Variants in IREB2 observed in about 807,000 individuals in gnomAD.
The protein encoded by IREB2 is iron-responsive element-binding protein 2.
Under a neutral mutation model 118.8 loss-of-function variants are expected in IREB2, and 39 were observed. The observed-to-expected ratio is 0.33, with a 90% CI of 0.25 to 0.43. IREB2 has a LOEUF of 0.43. IREB2 is among the 20% of genes least tolerant of loss of function. IREB2 has a pLI of 1.00. For synonymous variants in IREB2, 372 were observed against 392.2 expected (o/e 0.95, Z 0.61); for missense variants, 900 against 1,147.3 (o/e 0.78, Z 3.11).
At chr15:78,467,797 T>C (rs139014760) in intron 5 of IREB2, among the ~76,000 whole-genome samples, 76 of 152,328 alleles carry the variant, frequency 5.0e-4, no homozygotes, top group African/African-American at 1.8e-3. Context: ...ATGTTGCCCA[T>C]GCTGGTCTCA....
At chr15:78,465,879 G>T (rs1272992558) in intron 4 of IREB2, among the ~76,000 whole-genome samples, 1 of 152,034 alleles carries the variant, frequency 6.6e-6, no homozygotes, top group Non-Finnish European at 1.5e-5. Context: ...ACGTTCCCTG[G>T]AGTAGTAGAA....
At chr15:78,465,033 A>G (rs147845844) in intron 3 of IREB2, among the ~76,000 whole-genome samples, 2 of 152,306 alleles carry the variant, frequency 1.3e-5, no homozygotes, top group East Asian at 3.9e-4. Context: ...ATCTCTTATT[A>G]TTTTTGGCAT....
At chr15:78,496,055 C>T (rs2051832786) in intron 20 of IREB2, among the ~76,000 whole-genome samples, 1 of 152,194 alleles carries the variant, frequency 6.6e-6, no homozygotes, top group Admixed American at 6.5e-5. Flanking sequence ...CTGAGAACCT[C>T]ATGCCTCTGA....
intron 2 of IREB2, among the ~76,000 whole-genome samples, chr15:78,446,664 C>T (rs563531823): frequency 2.0e-5 from 3 of 152,270 alleles, no homozygotes; most frequent in Admixed American, 6.5e-5. Context: ...CTTTCCAGTT[C>T]AGTCTCTCTG....
intron 2 of IREB2, among the ~76,000 whole-genome samples, chr15:78,440,214 C>T (rs1406624089): frequency 6.6e-6 from 1 of 152,044 alleles, no homozygotes; most frequent in Non-Finnish European, 1.5e-5. Context: ...TTTTGAACCC[C>T]TGGGCCCAAA....
intron 13 of IREB2, among the ~76,000 whole-genome samples, chr15:78,486,344 C>T (rs1441780704): frequency 6.6e-6 from 1 of 152,190 alleles, no homozygotes; most frequent in African/African-American, 2.4e-5. Flanking sequence ...CGGTGGCTCA[C>T]GCCTGTAATC....
In IREB2 at chr15:78,499,511, A is replaced by G. The variant is rs905427398; in HGVS notation, c.*1368A>G. ...GCATAAAGAATTACTTGTTGTAAGCAAAATGCTGAAACTACCAAACCAGTG... is the reference window on the plus strand; with the variant it reads ...GCATAAAGAATTACTTGTTGTAAGCGAAATGCTGAAACTACCAAACCAGTG... On this transcript the variant is annotated 3_prime_UTR_variant, in exon 22 of 22. Coordinates refer to ENST00000258886, the MANE Select transcript of IREB2 (RefSeq NM_004136.4). 1.3e-5 allele frequency: 2 copies of G among 152,256 alleles called. No individual in the cohort carries two copies. Among genetic ancestry groups the G allele is most frequent in the Non-Finnish European group, 2.9e-5 (2 of 68,042 alleles). 9.4% of individuals were successfully genotyped at this position (152,256 alleles called of 1,614,324 possible).
At position 78,488,654 on chromosome 15, in the gene IREB2, C is replaced by T. The variant is rs2051699499; in HGVS notation, c.1959C>T (p.Asp653=). 3 of 1,607,158 alleles carry T rather than the reference C, an allele frequency of 1.9e-6. No homozygotes were observed. The highest frequency in any genetic ancestry group is 2.7e-5 in the African/African-American group (2 of 74,396). Residue 653 remains aspartate, a synonymous_variant, in exon 16 of 22, where the codon GAC becomes GAT. Transcript: ENST00000258886. ...TTCAAAAATTTTAACCAGGTACTGA[C>T]CCCACCGGCAAGAACATTTACCTGC... The part of the protein sequence containing the change: ...IDFQTEPLGT[D]PTGKNIYLHD...
chr15:78,441,977 G>T (rs1343882532), intron 2 of IREB2, among the ~76,000 whole-genome samples: 1 of 152,052 alleles, frequency 6.6e-6, no homozygotes, highest in African/African-American at 2.4e-5. Flanking sequence ...TGTGATCTCA[G>T]CTCACTGCTG....
intron 3 of IREB2, among the ~76,000 whole-genome samples, chr15:78,464,395 C>T (rs1270056440): frequency 2.6e-5 from 4 of 152,198 alleles, no homozygotes; most frequent in Non-Finnish European, 5.9e-5. Flanking sequence ...TCTTCACCCA[C>T]CCACTCAAAT....
chr15:78,479,399 ATT>A (rs1158698299), intron 10 of IREB2, among the ~76,000 whole-genome samples: 11 of 130,738 alleles, frequency 8.4e-5, no homozygotes, highest in Non-Finnish European at 8.3e-5. Context: ...TGGTTTTTGG[ATT>A]TTTTTTTTTT....
At chr15:78,440,553 G>T (rs1567159520) in intron 2 of IREB2, among the ~76,000 whole-genome samples, 1 of 152,028 alleles carries the variant, frequency 6.6e-6, no homozygotes, top group Non-Finnish European at 1.5e-5. Context: ...TTTTTGTAGA[G>T]TTGGGGTCTT....
At position 78,498,044 on chromosome 15, in the gene IREB2, A is replaced by G. The variant is rs2051867423; in HGVS notation, c.2793A>G (p.Gly931=). 6.2e-7 allele frequency: 1 copy of G among 1,607,242 alleles called. No individual in the cohort carries two copies. Among genetic ancestry groups the G allele is most frequent in the African/African-American group, 1.3e-5 (1 of 74,768 alleles). The stretch of plus-strand genomic sequence containing the variant: ...TTGCTCCTTTCAAGACAAGCACTGG[A>G]AAAGTATTCAGCGTGATTGCTTCGT... ...GITLNIQTST[G]KVFSVIASFE... is the part of the protein sequence containing the mutation. The change falls in exon 22 of 22, where the codon GGA becomes GGG. Residue 931 remains glycine (G), a synonymous_variant. Transcript: ENST00000258886.
intron 10 of IREB2, chr15:78,480,077 A>G (rs1013401742): frequency 6.6e-6 from 1 of 152,330 alleles, no homozygotes; most frequent in East Asian, 1.9e-4. Flanking sequence ...ATTAAACTCC[A>G]TGAGGACAGG....
At chr15:78,441,439 T>TA (rs2050842732) in intron 2 of IREB2, among the ~76,000 whole-genome samples, 2 of 152,256 alleles carry the variant, frequency 1.3e-5, no homozygotes, top group African/African-American at 4.8e-5. Context: ...ATAGTCATTT[T>TA]ATTTCCCATT....
chr15:78,472,434 T>G (rs566269088), intron 7 of IREB2, among the ~76,000 whole-genome samples: 1 of 152,158 alleles, frequency 6.6e-6, no homozygotes, highest in African/African-American at 2.4e-5. Context: ...TGGCACAATC[T>G]TGGCTCACTG....
rs2051385704 is a variant in IREB2, at chr15:78,471,895, T to C, written c.854T>C (p.Met285Thr). The C allele has an allele frequency of 6.2e-7, 1 of 1,605,646 alleles. No individual in the cohort carries two copies. The highest frequency in any genetic ancestry group is 8.5e-7 in the Non-Finnish European group (1 of 1,176,386). Residue 285 changes from methionine to threonine, a missense_variant, in exon 7 of 22, where the codon ATG (methionine) becomes ACG (threonine). Physicochemically the swap from Met to Thr is moderately conservative, Grantham distance 81. Transcript: ENST00000258886. ...SVVGTDSHIT[M>T]VNGLGILGWG... Reference sequence around the variant, plus strand: ...GTCGGCACAGATTCACACATAACGATGGTGAATGGTTTAGGGATTCTGGGG... The same window carrying C: ...GTCGGCACAGATTCACACATAACGACGGTGAATGGTTTAGGGATTCTGGGG...
rs2051281295 is a variant in IREB2 at position 78,466,307 on chromosome 15, C to A, written c.447C>A (p.Asp149Glu). The change falls in exon 5 of 22, where the codon GAC becomes GAA. Residue 149 changes from aspartate to glutamate, a missense_variant. By Grantham distance (45) the Asp-to-Glu change is conservative (BLOSUM62 2). Coordinates refer to ENST00000258886, the MANE Select transcript of IREB2 (RefSeq NM_004136.4). Reference sequence around the variant, plus strand: ...ATGCACCAAATCCTGGAGGTGGTGACCTGCAGAAAGCAGGAAAGCTCTCTC... The same window carrying A: ...ATGCACCAAATCCTGGAGGTGGTGAACTGCAGAAAGCAGGAAAGCTCTCTC... ...IQNAPNPGGG[D>E]LQKAGKLSPL... 1 of 1,613,568 alleles carries A rather than the reference C, an allele frequency of 6.2e-7. No homozygotes were observed.
chr15:78,462,802 A>G (rs2051218237), intron 2 of IREB2, 120 bp from the exon 3 acceptor site: 1 of 695,440 alleles, frequency 1.4e-6, no homozygotes, highest in Non-Finnish European at 2.3e-6. Flanking sequence ...CTAAAAATGA[A>G]TTGTTTAAAT....
Sources: gnomAD v4.1 joint callset for allele counts (sites outside exome capture counted in the v4.1 genomes callset) on GRCh38, gnomAD v4.1.1 for gene constraint, MANE v1.5 for transcripts, NCBI Gene and HGNC (gene_info 2026-07-23, HGNC 2026-07-21) for gene names.